The following POLE2 variants were observed in gnomAD, a reference collection of about 807,000 sequenced individuals.
POLE2 encodes DNA polymerase epsilon subunit 2.
A neutral mutation model predicts 79.4 loss-of-function variants in POLE2; 56 were observed. That is an observed-to-expected ratio of 0.71 (90% CI 0.57 to 0.88). POLE2 has a LOEUF of 0.88. Among genes scored for constraint, POLE2 ranks in the 40% least tolerant of loss-of-function variants. The pLI is 0.00. For missense variants in POLE2, 598 were observed against 638.9 expected (o/e 0.94, Z 0.69); for synonymous variants, 212 against 214.0 (o/e 0.99, Z 0.08).
At position 49,679,768 on chromosome 14, in the gene POLE2, C is replaced by A. The variant is rs1452117824; in HGVS notation, c.202G>T (p.Glu68Ter). Residue 68 changes from glutamate to a stop codon, truncating the protein, a stop_gained, in exon 3 of 19, where the codon GAA becomes TAA. Transcript: ENST00000216367. LOFTEE classifies it high-confidence loss of function. ...SSNMIERSVV[E>*]AAVQECSQSV... ...TGACTGCATTCCTGGACTGCTGCTT[C>A]CACCACAGATCGTTCAATCATGTTT... 1 of 1,605,944 alleles carries A rather than the reference C, an allele frequency of 6.2e-7. No individual in the cohort carries two copies. The highest frequency in any genetic ancestry group is 2.2e-5 in the East Asian group (1 of 44,826).
intron 1 of POLE2, among the ~76,000 whole-genome samples, chr14:49,687,248 G>A (rs1205845013): frequency 6.7e-6 from 1 of 150,278 alleles, no homozygotes; most frequent in Non-Finnish European, 1.5e-5. Context: ...TTGGGCGAGA[G>A]TGAGACCATG....
intron 10 of POLE2, among the ~76,000 whole-genome samples, 171 bp from the exon 11 acceptor site, chr14:49,656,014 G>A (rs1389584028): frequency 2.0e-5 from 3 of 152,074 alleles, no homozygotes; most frequent in Admixed American, 2.0e-4. Flanking sequence ...AACAAGATAA[G>A]CAATATGGAA....
intron 4 of POLE2, 36 bp downstream of exon 4, chr14:49,674,314 T>C (rs1280393339): frequency 7.9e-6 from 12 of 1,515,008 alleles, no homozygotes; most frequent in Non-Finnish European, 1.1e-5. Flanking sequence ...AAAGTACATT[T>C]GAAATTAATT....
chr14:49,683,491 C>T, intron 2 of POLE2, 102 bp downstream of exon 2: 1 of 603,996 alleles, frequency 1.7e-6, no homozygotes, highest in Non-Finnish European at 2.9e-6. Context: ...AACACTGGGA[C>T]ATCTTAATAG....
intron 18 of POLE2, 68 bp from the exon 19 acceptor site, chr14:49,643,738 A>AT: frequency 1.3e-6 from 1 of 770,718 alleles, no homozygotes; most frequent in African/African-American, 1.8e-5. Context: ...GTTGTAGTTA[A>AT]TTTTTTTAAA....
intron 2 of POLE2, 75 bp downstream of exon 2, chr14:49,683,518 A>G (rs1174636482): frequency 1.3e-5 from 9 of 698,290 alleles, no homozygotes; most frequent in South Asian, 7.5e-5. Context: ...CTCAACTTCA[A>G]TTTAAATCTA....
At position 49,654,204 on chromosome 14, in the gene POLE2, C is replaced by CA. The variant is rs1306742482; in HGVS notation, c.1083dup (p.Val362CysfsTer22). The CA allele has an allele frequency of 6.2e-7, 1 of 1,607,872 alleles. No individual in the cohort carries two copies. Among genetic ancestry groups the CA allele is most frequent in the Admixed American group, 1.7e-5 (1 of 59,784 alleles). On this transcript the variant is annotated frameshift_variant, in exon 14 of 19. Transcript: ENST00000216367. LOFTEE classifies it high-confidence loss of function. ...GGATCCTCTGGACCAGGTACAAACA[C>CA]AAAACGACTACTGTAGCAAAATTCA...
intron 15 of POLE2, among the ~76,000 whole-genome samples, chr14:49,653,073 A>G (rs535437705): frequency 6.3e-4 from 96 of 152,366 alleles, no homozygotes; most frequent in African/African-American, 2.3e-3. Flanking sequence ...TGAAGGTGTC[A>G]TGAACTAACA....
intron 18 of POLE2, among the ~76,000 whole-genome samples, chr14:49,645,059 C>CAAAAAAAAAAAAA (rs1285927328): frequency 3.1e-5 from 4 of 130,896 alleles, no homozygotes; most frequent in Middle Eastern, 7.8e-3. Flanking sequence ...AAAAAAAAAA[C>CAAAAAAAAAAAAA]ACTGCAGTAA....
At chr14:49,654,522 C>T (rs1046630390) in intron 13 of POLE2, 2 of 451,298 alleles carry the variant, frequency 4.4e-6, no homozygotes, top group Non-Finnish European at 7.7e-6. Flanking sequence ...ACTATCATAT[C>T]GGAGAGTGAA....
chr14:49,684,248 G>A (rs191104737), intron 1 of POLE2, among the ~76,000 whole-genome samples: 26 of 152,184 alleles, frequency 1.7e-4, no homozygotes, highest in African/African-American at 5.8e-4. Flanking sequence ...GGATCATGAG[G>A]TCAGGAGATC....
chr14:49,668,064 G>C (rs951700665), intron 6 of POLE2, among the ~76,000 whole-genome samples: 6 of 152,162 alleles, frequency 3.9e-5, no homozygotes, highest in African/African-American at 1.2e-4. Flanking sequence ...TTGAGGTCAG[G>C]AGTTCAAGAC....
chr14:49,682,640 G>GAAAAAAAAAAAAAAAAAAAAAA (rs35984833), intron 2 of POLE2, among the ~76,000 whole-genome samples: 3 of 60,976 alleles, frequency 4.9e-5, no homozygotes, highest in African/African-American at 1.7e-4. Context: ...CCTTCTCAGG[G>GAAAAAAAAAAAAAAAAAAAAAA]AAAAAAAAAA....
At chr14:49,668,465 A>G (rs1885647126) in intron 6 of POLE2, among the ~76,000 whole-genome samples, 1 of 152,096 alleles carries the variant, frequency 6.6e-6, no homozygotes, top group Non-Finnish European at 1.5e-5. Context: ...AAGAAAAAAA[A>G]AAAAAAGAAC....
At chr14:49,682,641 A>AG (rs1886809163) in intron 2 of POLE2, among the ~76,000 whole-genome samples, 1 of 85,198 alleles carries the variant, frequency 1.2e-5, no homozygotes, top group Non-Finnish European at 2.5e-5. Context: ...CTTCTCAGGG[A>AG]AAAAAAAAAA....
chr14:49,656,497 T>C lies in POLE2; in HGVS notation c.756-654A>G, dbSNP rs529247664. Among the ~76,000 whole-genome samples the C allele has an allele frequency of 5.9e-5, 9 of 152,310 alleles. No homozygotes were observed. In the East Asian group the frequency reaches 1.7e-3, roughly 29 times the overall value. On this transcript the variant is annotated intron_variant, in intron 10 of 18. Transcript: ENST00000216367. ...TGTGCTAACCATCTGCCCAAGTAAT[T>C]CTACTTCTGGAATGGCTAATCCTAA...
intron 18 of POLE2, among the ~76,000 whole-genome samples, chr14:49,644,757 A>G (rs989590772): frequency 6.6e-5 from 10 of 151,990 alleles, no homozygotes; most frequent in African/African-American, 2.4e-4. Flanking sequence ...TGCAGTAAAA[A>G]GGCTGGGCGC....
At chr14:49,671,065 A>G (rs994682250) in intron 5 of POLE2, among the ~76,000 whole-genome samples, 1 of 152,238 alleles carries the variant, frequency 6.6e-6, no homozygotes, top group Non-Finnish European at 1.5e-5. Context: ...CAATGAAAAT[A>G]TGGATGGACT....
chr14:49,660,455 T>A (rs1843196830), intron 10 of POLE2, among the ~76,000 whole-genome samples: 1 of 152,160 alleles, frequency 6.6e-6, no homozygotes, highest in Admixed American at 6.5e-5. Context: ...CCTTCATATA[T>A]TTTCTAATTT....
Sources: allele counts gnomAD v4.1 joint callset (sites outside exome capture counted in the v4.1 genomes callset), GRCh38; gene constraint gnomAD v4.1.1; transcripts MANE v1.5; gene names NCBI Gene and HGNC (gene_info 2026-07-23, HGNC 2026-07-21).